The following NEXN variants were observed in gnomAD, a reference collection of about 807,000 sequenced individuals.
The protein encoded by NEXN is nexilin.
NEXN carries 65 observed loss-of-function variants against 92.6 expected under a neutral mutation model. The observed-to-expected ratio is 0.70, with a 90% CI of 0.57 to 0.86. The LOEUF (loss-of-function observed/expected upper bound fraction) is 0.86, where lower values mean the gene tolerates loss of function less well. Ranked by LOEUF, NEXN falls within the 40% of genes least tolerant of loss-of-function variation. The pLI is 0.00. For missense variants in NEXN, 778 were observed against 771.1 expected (o/e 1.01, Z -0.11); for synonymous variants, 254 against 242.5 (o/e 1.05, Z -0.44).
At chr1:77,934,112 C>G (rs1430213571) in intron 10 of NEXN, among the ~76,000 whole-genome samples, 1 of 148,298 alleles carries the variant, frequency 6.7e-6, no homozygotes, top group African/African-American at 2.5e-5. Flanking sequence ...CAGGTTCAAG[C>G]AATTCTCCTG....
chr1:77,915,873 G>A (rs1002704952), intron 1 of NEXN, among the ~76,000 whole-genome samples, 182 bp from the exon 2 acceptor site: 2 of 152,030 alleles, frequency 1.3e-5, no homozygotes, highest in Non-Finnish European at 2.9e-5. Context: ...TTACCATCAT[G>A]CACCTTATGT....
chr1:77,902,650 G>A (rs890574284), intron 1 of NEXN, among the ~76,000 whole-genome samples: 2 of 152,184 alleles, frequency 1.3e-5, no homozygotes, highest in African/African-American at 4.8e-5. Flanking sequence ...TGATATGGGT[G>A]TATGGGGGTT....
chr1:77,898,944 A>G (rs1454280330), intron 1 of NEXN, among the ~76,000 whole-genome samples: 1 of 152,236 alleles, frequency 6.6e-6, no homozygotes, highest in Non-Finnish European at 1.5e-5. Context: ...AATGAAAATC[A>G]AAACCACAAT....
intron 11 of NEXN, 155 bp from the exon 12 acceptor site, chr1:77,941,867 TG>T: frequency 1.5e-6 from 1 of 675,194 alleles, no homozygotes. Flanking sequence ...TTTCCTGAAC[TG>T]GAGAGTTAGA....
At chr1:77,892,248 G>A (rs1208110565) in intron 1 of NEXN, among the ~76,000 whole-genome samples, 2 of 152,164 alleles carry the variant, frequency 1.3e-5, no homozygotes, top group Non-Finnish European at 2.9e-5. Flanking sequence ...GGGGTACCAA[G>A]TGGTTTTTGG....
At chr1:77,891,703 A>G (rs1173122562) in intron 1 of NEXN, among the ~76,000 whole-genome samples, 2 of 151,100 alleles carry the variant, frequency 1.3e-5, no homozygotes, top group East Asian at 1.9e-4. Flanking sequence ...TCGACAGTCA[A>G]AAAGACACCT....
intron 8 of NEXN, among the ~76,000 whole-genome samples, chr1:77,928,184 G>C (rs1203036189): frequency 6.6e-6 from 1 of 151,666 alleles, no homozygotes. Flanking sequence ...TGGTGGCACA[G>C]ACCTGTAGTC....
chr1:77,942,285 A>G, intron 12 of NEXN, 77 bp downstream of exon 12: 1 of 1,504,914 alleles, frequency 6.6e-7, no homozygotes, highest in Non-Finnish European at 9.2e-7. Flanking sequence ...GTAGGTTAAA[A>G]AAATGTTTTA....
intron 11 of NEXN, 122 bp downstream of exon 11, chr1:77,936,166 C>A (rs1189119229): frequency 1.4e-6 from 1 of 715,306 alleles, no homozygotes; most frequent in Non-Finnish European, 2.4e-6. Context: ...ATACAGTAAT[C>A]TGGGAAGTAA....
chr1:77,935,146 C>T (rs999632801), intron 10 of NEXN, among the ~76,000 whole-genome samples: 2 of 152,162 alleles, frequency 1.3e-5, no homozygotes, highest in Non-Finnish European at 2.9e-5. Context: ...TCACTACAAC[C>T]TCCACCTCAG....
chr1:77,914,969 A>G (rs1648854953), intron 1 of NEXN, among the ~76,000 whole-genome samples: 1 of 152,304 alleles, frequency 6.6e-6, no homozygotes, highest in East Asian at 1.9e-4. Context: ...AAACATAGAT[A>G]GAGTGAAAGT....
At chr1:77,891,170 G>C (rs151091958) in intron 1 of NEXN, among the ~76,000 whole-genome samples, 110 of 152,148 alleles carry the variant, frequency 7.2e-4, no homozygotes, top group African/African-American at 2.5e-3. Flanking sequence ...AGGGTGGGTG[G>C]ATTTGTACCC....
At chr1:77,925,363 T>C (rs1649762768) in intron 6 of NEXN, 134 bp downstream of exon 6, 3 of 720,378 alleles carry the variant, frequency 4.2e-6, no homozygotes, top group South Asian at 3.5e-5. Flanking sequence ...AAAAGTATGT[T>C]TTGCAAAGCA....
At chr1:77,933,558 G>C (rs1228497060) in intron 10 of NEXN, 79 bp downstream of exon 10, 2 of 1,048,574 alleles carry the variant, frequency 1.9e-6, no homozygotes, top group African/African-American at 3.2e-5. Context: ...TAATAACTTT[G>C]TATTATTATT....
Position 77,906,085 on chromosome 1 carries a change from A to G in NEXN, c.-52-9970A>G, listed in dbSNP as rs149450263. On this transcript the variant is annotated intron_variant, in intron 1 of 12. Coordinates refer to ENST00000334785, the MANE Select transcript of NEXN (RefSeq NM_144573.4). ...ATCTAAGAGGTAGAGAGAGGTATAG[A>G]AGCCCTCAAAGGACATAGAGAAGGA... is the stretch of plus-strand genomic sequence containing the variant. 2.9e-4 allele frequency among the ~76,000 whole-genome samples: 44 copies of G among 152,268 alleles called. 1 individual carries two copies. The highest frequency in any genetic ancestry group is 1.0e-3 in the African/African-American group (43 of 41,568).
At chr1:77,889,404 T>G (rs1313038138) in intron 1 of NEXN, 1 of 143,598 alleles carries the variant, frequency 7.0e-6, no homozygotes, top group Non-Finnish European at 1.5e-5. Context: ...TGCTGGGGGT[T>G]GAGCAACTAG....
At chr1:77,936,101 A>G in intron 11 of NEXN, 57 bp downstream of exon 11, 1 of 1,306,264 alleles carries the variant, frequency 7.7e-7, no homozygotes, top group South Asian at 1.3e-5. Context: ...TAAATTTAAC[A>G]GAAGTAACAT....
chr1:77,890,912 C>T (rs2102020260), intron 1 of NEXN, among the ~76,000 whole-genome samples: 1 of 152,218 alleles, frequency 6.6e-6, no homozygotes, highest in Non-Finnish European at 1.5e-5. Flanking sequence ...ACACACAGAA[C>T]ATCTTGGTAG....
intron 8 of NEXN, 102 bp downstream of exon 8, chr1:77,926,994 G>T: frequency 7.1e-7 from 1 of 1,418,038 alleles, no homozygotes; most frequent in Non-Finnish European, 9.8e-7. Flanking sequence ...CATATAGAAG[G>T]GCTGATTTTC....
Sources: gnomAD v4.1 joint callset for allele counts (sites outside exome capture counted in the v4.1 genomes callset) on GRCh38, gnomAD v4.1.1 for gene constraint, MANE v1.5 for transcripts, NCBI Gene and HGNC (gene_info 2026-07-23, HGNC 2026-07-21) for gene names.